ABCC1: variants seen among roughly 807,000 people sequenced by gnomAD.
The protein encoded by ABCC1 is ATP binding cassette subfamily C member 1 (ABCC1 blood group).
ABCC1 carries 83 observed loss-of-function variants against 172.9 expected under a neutral mutation model. The observed-to-expected ratio is 0.48, with a 90% CI of 0.40 to 0.58. ABCC1 has a LOEUF of 0.58. ABCC1 is among the 20% of genes least tolerant of loss of function. The pLI, the probability that ABCC1 is intolerant of heterozygous loss-of-function variation, is 0.00. For synonymous variants in ABCC1, 937 were observed against 825.2 expected (o/e 1.14, Z -2.32); for missense variants, 1,817 against 2,002.7 (o/e 0.91, Z 1.77).
At chr16:15,959,648 C>A (rs183678291) in intron 1 of ABCC1, among the ~76,000 whole-genome samples, 1 of 152,272 alleles carries the variant, frequency 6.6e-6, no homozygotes, top group South Asian at 2.1e-4. Context: ...CTTGAGAGAT[C>A]AGCTTTGAAG....
chr16:16,121,870 C>T (rs2045172436), intron 23 of ABCC1, 105 bp from the exon 24 acceptor site: 1 of 1,265,000 alleles, frequency 7.9e-7, no homozygotes, highest in Non-Finnish European at 1.1e-6. Context: ...CATTTTGCCT[C>T]CTGGAGGTAT....
In ABCC1 at chr16:16,132,510, G is replaced by GTTTT. The variant is rs71137915; in HGVS notation, c.3966+601_3966+604dup. On this transcript the variant is annotated intron_variant, in intron 27 of 30. Coordinates refer to ENST00000399410, the MANE Select transcript of ABCC1 (RefSeq NM_004996.4). ...TTCTTTTTTTGTTTTTTGGTTGGTT[G>GTTTT]TTTTTTTTTTTTTTTTTTTTTTTTT... 5.6e-3 allele frequency among the ~76,000 whole-genome samples: 210 copies of GTTTT among 37,278 alleles called. 6 individuals are homozygous for GTTTT. Among genetic ancestry groups the GTTTT allele is most frequent in the African/African-American group, 9.2e-3 (90 of 9,786 alleles). 24.5% of individuals were successfully genotyped at this position (37,278 alleles called of 152,430 possible). A position where few individuals can be genotyped will look rare whatever the true frequency, so the allele number is the denominator to read the frequency against.
intron 7 of ABCC1, 45 bp from the exon 8 acceptor site, chr16:16,044,405 C>T (rs376101341): frequency 3.3e-6 from 5 of 1,536,850 alleles, no homozygotes; most frequent in South Asian, 2.2e-5. Flanking sequence ...TAGGGGGCTG[C>T]ATCTCTGGCA....
At chr16:15,991,428 T>C (rs1054428914) in intron 1 of ABCC1, among the ~76,000 whole-genome samples, 1 of 152,144 alleles carries the variant, frequency 6.6e-6, no homozygotes, top group Non-Finnish European at 1.5e-5. Flanking sequence ...ACAGGGCTTG[T>C]TCTGCAAAAG....
chr16:16,033,074 C>T (rs901160400), intron 5 of ABCC1, 35 bp from the exon 6 acceptor site: 6 of 1,604,602 alleles, frequency 3.7e-6, no homozygotes, highest in East Asian at 2.2e-5. Flanking sequence ...ATTCCTTTCC[C>T]TCTTCCTCCC....
chr16:16,083,646 C>T, intron 17 of ABCC1, 104 bp downstream of exon 17: 2 of 1,452,270 alleles, frequency 1.4e-6, no homozygotes, highest in Non-Finnish European at 9.4e-7. Context: ...ATCAGCTGAC[C>T]CGGCAGGGCT....
At chr16:15,996,735 TAGTG>T (rs1177781962) in intron 1 of ABCC1, among the ~76,000 whole-genome samples, 2 of 152,140 alleles carry the variant, frequency 1.3e-5, no homozygotes, top group South Asian at 4.2e-4. Flanking sequence ...AGGGCAAAGT[TAGTG>T]AGCTGCCCGG....
intron 1 of ABCC1, among the ~76,000 whole-genome samples, chr16:15,961,239 T>A (rs1404629991): frequency 6.6e-6 from 1 of 152,182 alleles, no homozygotes; most frequent in Non-Finnish European, 1.5e-5. Context: ...CAAGACCAAC[T>A]TGGGTTTCCC....
At chr16:15,982,395 C>G (rs2046641998) in intron 1 of ABCC1, among the ~76,000 whole-genome samples, 1 of 151,974 alleles carries the variant, frequency 6.6e-6, no homozygotes, top group Non-Finnish European at 1.5e-5. Context: ...GAAGGGGAAG[C>G]AAACACGTCC....
chr16:16,103,740 C>A (rs369436502), intron 20 of ABCC1, among the ~76,000 whole-genome samples: 1 of 152,150 alleles, frequency 6.6e-6, no homozygotes, highest in Non-Finnish European at 1.5e-5. Flanking sequence ...AAAGACCATG[C>A]GGCATAGCAC....
chr16:16,084,518 C>T (rs1020829130), intron 17 of ABCC1, among the ~76,000 whole-genome samples: 1 of 148,830 alleles, frequency 6.7e-6, no homozygotes, highest in Non-Finnish European at 1.5e-5. Context: ...CCCCTGCCAC[C>T]ACGCACAGCT....
At chr16:16,118,709 C>T (rs960301224) in intron 23 of ABCC1, among the ~76,000 whole-genome samples, 2 of 151,394 alleles carry the variant, frequency 1.3e-5, no homozygotes, top group African/African-American at 2.4e-5. Flanking sequence ...GGTGCACTGT[C>T]GTTATCACCG....
At chr16:15,974,026 T>C (rs1329085131) in intron 1 of ABCC1, among the ~76,000 whole-genome samples, 2 of 152,088 alleles carry the variant, frequency 1.3e-5, no homozygotes, top group African/African-American at 4.8e-5. Flanking sequence ...ATGTCCCTTA[T>C]AGAGACTGGT....
intron 25 of ABCC1, among the ~76,000 whole-genome samples, chr16:16,125,293 G>A (rs1171008526): frequency 6.6e-6 from 1 of 152,116 alleles, no homozygotes; most frequent in Non-Finnish European, 1.5e-5. Context: ...TTATTATGTG[G>A]CCCATGAGTT....
chr16:15,984,706 A>C (rs1378748817), intron 1 of ABCC1, among the ~76,000 whole-genome samples: 1 of 152,150 alleles, frequency 6.6e-6, no homozygotes, highest in Non-Finnish European at 1.5e-5. Context: ...GGCCTCCCAA[A>C]GTGCTGAGAT....
In ABCC1 at chr16:16,009,832, G is replaced by A; in HGVS notation, c.282G>A (p.Trp94Ter). The change falls in exon 3 of 31, where the codon TGG becomes TGA. Residue 94 changes from tryptophan (W) to a stop codon, truncating the protein, a stop_gained. Transcript: ENST00000399410. LOFTEE classifies it high-confidence loss of function. ...GGGCAGACCTCTTCTACTCTTTCTG[G>A]GAAAGAAGTCGGGGCATATTCCTGG... is the stretch of plus-strand genomic sequence containing the variant. ...VCWADLFYSF[W>*]ERSRGIFLAP... The A allele has an allele frequency of 6.2e-7, 1 of 1,611,944 alleles. No individual in the cohort carries two copies. Among genetic ancestry groups the A allele is most frequent in the Non-Finnish European group, 8.5e-7 (1 of 1,179,254 alleles).
At chr16:16,049,788 A>G (rs574642641) in intron 10 of ABCC1, among the ~76,000 whole-genome samples, 3 of 152,048 alleles carry the variant, frequency 2.0e-5, no homozygotes, top group African/African-American at 4.8e-5. Context: ...GCTTCAAGCA[A>G]TTCTCCTACC....
intron 16 of ABCC1, among the ~76,000 whole-genome samples, chr16:16,081,486 G>A (rs751451287): frequency 6.6e-6 from 1 of 152,166 alleles, no homozygotes; most frequent in South Asian, 2.1e-4. Context: ...GCCTAGGTAA[G>A]GGGAGTGCTA....
intron 24 of ABCC1, among the ~76,000 whole-genome samples, chr16:16,122,481 C>G (rs1216342524): frequency 6.6e-6 from 1 of 150,956 alleles, no homozygotes; most frequent in East Asian, 1.9e-4. Flanking sequence ...ACCGACTCTG[C>G]TATTGAGTAT....
Sources: allele counts gnomAD v4.1 joint callset (sites outside exome capture counted in the v4.1 genomes callset), GRCh38; gene constraint gnomAD v4.1.1; transcripts MANE v1.5; gene names NCBI Gene and HGNC (gene_info 2026-07-23, HGNC 2026-07-21).